WDTC1: variants seen among roughly 807,000 people sequenced by gnomAD.
WDTC1 encodes WD and tetratricopeptide repeats 1.
WDTC1 carries 12 observed loss-of-function variants against 76.0 expected under a neutral mutation model. That is an observed-to-expected ratio of 0.16 (90% CI 0.10 to 0.26). The LOEUF (loss-of-function observed/expected upper bound fraction) is 0.26, where lower values mean the gene tolerates loss of function less well. Among genes scored for constraint, WDTC1 ranks in the 10% least tolerant of loss-of-function variants. The pLI is 1.00. For synonymous variants in WDTC1, 326 were observed against 350.8 expected (o/e 0.93, Z 0.79); for missense variants, 511 against 908.8 (o/e 0.56, Z 5.63).
chr1:27,274,806 G>A lies in WDTC1; in HGVS notation c.133-7433G>A, dbSNP rs2012974207. Among the ~76,000 whole-genome samples, 1 of 152,168 alleles carries A rather than the reference G, an allele frequency of 6.6e-6. No individual in the cohort carries two copies. Among genetic ancestry groups the A allele is most frequent in the South Asian group, 2.1e-4 (1 of 4,832 alleles). ...GTATGTATTACCAGGGATCTCCCAA[G>A]ATCACCTTGGAAGTTGTGATCACAC... is the stretch of plus-strand genomic sequence containing the variant. On this transcript the variant is annotated intron_variant, in intron 3 of 15. Coordinates refer to ENST00000319394, the MANE Select transcript of WDTC1 (RefSeq NM_001276252.2). This position sits in a 1 kb window ranked among gnomAD's most constrained non-coding sequence, Gnocchi z 4.2.
intron 3 of WDTC1, among the ~76,000 whole-genome samples, chr1:27,267,416 T>A (rs1171438943): frequency 6.6e-6 from 1 of 152,138 alleles, no homozygotes; most frequent in African/African-American, 2.4e-5. Flanking sequence ...CAGCTAATTT[T>A]TTTATTTGCT....
intron 7 of WDTC1, 97 bp downstream of exon 7, chr1:27,292,494 C>A: frequency 2.4e-6 from 3 of 1,225,912 alleles, no homozygotes; most frequent in Non-Finnish European, 3.3e-6. Context: ...CTTCTTCTAT[C>A]ACAGCTCACT....
In WDTC1 at chr1:27,287,770, T is replaced by C; in HGVS notation, c.388T>C (p.Phe130Leu). 1 of 1,614,090 alleles carries C rather than the reference T, an allele frequency of 6.2e-7. No individual in the cohort carries two copies. The highest frequency in any genetic ancestry group is 8.5e-7 in the Non-Finnish European group (1 of 1,180,012). Residue 130 changes from phenylalanine to leucine, a missense_variant, in exon 6 of 16, where the codon TTT becomes CTT. By Grantham distance (22) the Phe-to-Leu change is conservative (BLOSUM62 0). Transcript: ENST00000319394. ...GACAGTAAAGGAGACCATCCACATGTTTGGAGACCACACAAACCGGGTGAA... is the reference window on the plus strand; with the variant it reads ...GACAGTAAAGGAGACCATCCACATGCTTGGAGACCACACAAACCGGGTGAA... ...DLTVKETIHM[F>L]GDHTNRVKRI...
chr1:27,252,691 C>T (rs184579654), intron 1 of WDTC1, among the ~76,000 whole-genome samples: 8 of 151,534 alleles, frequency 5.3e-5, no homozygotes, highest in East Asian at 4.0e-4. Flanking sequence ...CCAGCTACTC[C>T]GGAGGCAGAG....
At chr1:27,266,633 G>A (rs1457059748) in intron 3 of WDTC1, among the ~76,000 whole-genome samples, 1 of 152,214 alleles carries the variant, frequency 6.6e-6, no homozygotes, top group Non-Finnish European at 1.5e-5. Flanking sequence ...CCAGTCCCAA[G>A]ATGGTGATTT....
chr1:27,235,111 C>T (rs2011466622), intron 1 of WDTC1, among the ~76,000 whole-genome samples, 160 bp downstream of exon 1: 2 of 151,834 alleles, frequency 1.3e-5, no homozygotes, highest in Non-Finnish European at 2.9e-5. Context: ...CCGAGAGGGG[C>T]CAGGCCTCGC....
chr1:27,273,258 G>A (rs1411434469), intron 3 of WDTC1, among the ~76,000 whole-genome samples: 7 of 142,928 alleles, frequency 4.9e-5, no homozygotes, highest in Non-Finnish European at 9.0e-5. Flanking sequence ...AGCCAGGCTG[G>A]AGTGCAGTGG....
Position 27,301,643 on chromosome 1 carries a change from G to A in WDTC1, c.1468+182G>A, listed in dbSNP as rs577249521. 3.3e-5 allele frequency among the ~76,000 whole-genome samples: 5 copies of A among 152,250 alleles called. No homozygotes were observed. In the East Asian group the frequency reaches 9.6e-4, roughly 29 times the overall value. ...AGAGTGTTTCCTGGTCTGAAAAGGAGGCATGCCAGCACCTCCCACTGAGCG... is the reference window on the plus strand; with the variant it reads ...AGAGTGTTTCCTGGTCTGAAAAGGAAGCATGCCAGCACCTCCCACTGAGCG... On this transcript the variant is annotated intron_variant, in intron 13 of 15. Coordinates refer to ENST00000319394, the MANE Select transcript of WDTC1 (RefSeq NM_001276252.2). This position sits in a 1 kb window ranked among gnomAD's most constrained non-coding sequence, Gnocchi z 5.8.
intron 3 of WDTC1, among the ~76,000 whole-genome samples, chr1:27,279,710 G>T (rs2013137368): frequency 6.6e-6 from 1 of 152,072 alleles, no homozygotes; most frequent in South Asian, 2.1e-4. Flanking sequence ...GGGACTACAG[G>T]TGCACGCCAC....
chr1:27,253,863 C>T (rs1409483927), intron 1 of WDTC1, among the ~76,000 whole-genome samples: 2 of 152,130 alleles, frequency 1.3e-5, no homozygotes, highest in African/African-American at 4.8e-5. Context: ...CCAAATCTCT[C>T]ATTCATGTCA....
At chr1:27,294,877 A>G (rs965509804) in intron 9 of WDTC1, among the ~76,000 whole-genome samples, 4 of 152,230 alleles carry the variant, frequency 2.6e-5, no homozygotes, top group Non-Finnish European at 4.4e-5. Flanking sequence ...TTGGTTAAGA[A>G]TATAGGCTTT....
intron 3 of WDTC1, among the ~76,000 whole-genome samples, chr1:27,281,439 C>CA (rs891009695): frequency 0.03 from 1,818 of 61,064 alleles, 19 homozygotes; most frequent in East Asian, 0.056. Flanking sequence ...GACTCTGTCT[C>CA]AAAAAAAAAA....
intron 6 of WDTC1, among the ~76,000 whole-genome samples, chr1:27,291,465 G>A (rs534881321): frequency 1.3e-5 from 2 of 152,294 alleles, no homozygotes; most frequent in East Asian, 3.9e-4. Context: ...GCAAAGAGGT[G>A]ATAACAGATG....
At chr1:27,285,670 G>C (rs965747090) in intron 5 of WDTC1, among the ~76,000 whole-genome samples, 5 of 150,888 alleles carry the variant, frequency 3.3e-5, no homozygotes, top group African/African-American at 1.2e-4. Flanking sequence ...CCAGGCTGGA[G>C]TACAGTGGCA....
intron 1 of WDTC1, among the ~76,000 whole-genome samples, chr1:27,259,918 T>G (rs1485653217): frequency 6.6e-6 from 1 of 151,330 alleles, no homozygotes; most frequent in Non-Finnish European, 1.5e-5. Flanking sequence ...GCACCTGTGA[T>G]CTCAGTTATT....
chr1:27,284,995 A>G (rs2147964774), intron 5 of WDTC1, among the ~76,000 whole-genome samples: 1 of 149,880 alleles, frequency 6.7e-6, no homozygotes, highest in South Asian at 2.1e-4. Context: ...CCCTAAAATA[A>G]TTAAATCATG....
intron 11 of WDTC1, 44 bp downstream of exon 11, chr1:27,297,200 CTA>C (rs2013718036): frequency 1.3e-6 from 2 of 1,496,902 alleles, no homozygotes; most frequent in African/African-American, 2.8e-5. Context: ...CCCAGTTACA[CTA>C]TATGGACTGG....
chr1:27,248,336 A>G (rs1024309642), intron 1 of WDTC1, among the ~76,000 whole-genome samples: 2 of 152,128 alleles, frequency 1.3e-5, no homozygotes, highest in Non-Finnish European at 2.9e-5. Context: ...CTTTTTAATA[A>G]TAGCTATCCT....
chr1:27,246,491 T>TGG lies in WDTC1; in HGVS notation c.-100+11540_-100+11541insGG, dbSNP rs2011836023. 2.0e-5 allele frequency among the ~76,000 whole-genome samples: 3 copies of TGG among 152,212 alleles called. No homozygotes were observed. The South Asian group carries it at 6.2e-4, about 32-fold the overall frequency. ...TCAATTGATGGCCATTTGGGTTGTT[T>TGG]CTAATTTGGGCTATTATGAATAATG... On this transcript the variant is annotated intron_variant, in intron 1 of 15. Coordinates refer to ENST00000319394, the MANE Select transcript of WDTC1 (RefSeq NM_001276252.2).
Sources: gnomAD v4.1 joint callset for allele counts (sites outside exome capture counted in the v4.1 genomes callset) on GRCh38, gnomAD v4.1.1 for gene constraint, Gnocchi (gnomAD v3.1) non-coding constraint, MANE v1.5 for transcripts, NCBI Gene and HGNC (gene_info 2026-07-23, HGNC 2026-07-21) for gene names.